The following CNGB3 variants were observed in gnomAD, a reference collection of about 807,000 sequenced individuals.
The protein encoded by CNGB3 is cyclic nucleotide gated channel subunit beta 3, also known as cyclic nucleotide-gated channel beta-3.
A neutral mutation model predicts 92.8 loss-of-function variants in CNGB3; 86 were observed. The ratio of observed to expected loss-of-function variants is 0.93; its 90% CI spans 0.78 to 1.11. The LOEUF is 1.11. Ranked by LOEUF, CNGB3 falls within the 50% of genes least tolerant of loss-of-function variation. CNGB3 has a pLI of 0.00. For missense variants in CNGB3, 1,026 were observed against 956.8 expected, an observed-to-expected ratio of 1.07 and a Z score of -0.95; for synonymous variants, 333 against 332.7, an observed-to-expected ratio of 1.00 and a Z score of -0.01.
chr8:86,722,872 G>A (rs1480247952), intron 3 of CNGB3, among the ~76,000 whole-genome samples: 2 of 152,114 alleles, frequency 1.3e-5, no homozygotes, highest in South Asian at 2.1e-4. Flanking sequence ...GCTTTCAGAC[G>A]TGTACTGGAA....
chr8:86,659,269 G>C lies in CNGB3; in HGVS notation c.853-5207C>G. The C allele has an allele frequency of 4.9e-6, 4 of 809,132 alleles. No homozygotes were observed. In the Admixed American group the frequency reaches 7.0e-5, roughly 14 times the overall value. 50.1% of individuals were successfully genotyped at this position (809,132 alleles called of 1,614,324 possible). ...TATTGGTCTTTCTCCATCTGTAGCT[G>C]TTTCAGCAACTCCATAACCTGCCCC... On this transcript the variant is annotated intron_variant, in intron 6 of 17. Transcript: ENST00000320005.
At position 86,737,338 on chromosome 8, in the gene CNGB3, C is replaced by T. The variant is rs995439545; in HGVS notation, c.211+2317G>A. On this transcript the variant is annotated intron_variant, in intron 2 of 17. Coordinates refer to ENST00000320005, the MANE Select transcript of CNGB3 (RefSeq NM_019098.5). Reference sequence around the variant, plus strand: ...AAATCAACATCTTTATAATATTATCCTCCCAAGTGGACACATATTTCCCTC... The same window carrying T: ...AAATCAACATCTTTATAATATTATCTTCCCAAGTGGACACATATTTCCCTC... Among the ~76,000 whole-genome samples the T allele has an allele frequency of 1.3e-5, 2 of 152,044 alleles. 1 individual carries two copies. The highest frequency in any genetic ancestry group is 4.1e-4 in the South Asian group (2 of 4,826).
At chr8:86,594,520 G>T in intron 15 of CNGB3, 1 of 325,084 alleles carries the variant, frequency 3.1e-6, no homozygotes. Flanking sequence ...CCTTGTCTTT[G>T]GCAGCCTCTT....
At chr8:86,657,402 C>G in intron 6 of CNGB3, 1 of 482,134 alleles carries the variant, frequency 2.1e-6, no homozygotes, top group East Asian at 5.7e-5. Flanking sequence ...TGATCTTCAC[C>G]TCATTTCTTG....
chr8:86,740,120 G>A (rs2131684343), intron 1 of CNGB3, among the ~76,000 whole-genome samples: 1 of 152,264 alleles, frequency 6.6e-6, no homozygotes, highest in Admixed American at 6.5e-5. Flanking sequence ...GATTTCATGT[G>A]CTTCTGCCTC....
chr8:86,731,761 C>A (rs1187980229), intron 2 of CNGB3, among the ~76,000 whole-genome samples: 1 of 151,974 alleles, frequency 6.6e-6, no homozygotes, highest in Non-Finnish European at 1.5e-5. Context: ...CTGGGGATTT[C>A]TGTGAGGATT....
intron 15 of CNGB3, among the ~76,000 whole-genome samples, chr8:86,585,778 A>G (rs138460476): frequency 1.3e-5 from 2 of 152,256 alleles, no homozygotes; most frequent in East Asian, 1.9e-4. Flanking sequence ...CTTGCGATAG[A>G]CACAACAATA....
At chr8:86,647,756 T>C (rs201689102) in intron 8 of CNGB3, 45 bp downstream of exon 8, 7 of 993,994 alleles carry the variant, frequency 7.0e-6, no homozygotes, top group Admixed American at 5.1e-5. Flanking sequence ...GAAATAGAAA[T>C]ATTTCCATTA....
At chr8:86,676,187 C>G (rs1313704806) in intron 3 of CNGB3, among the ~76,000 whole-genome samples, 1 of 152,178 alleles carries the variant, frequency 6.6e-6, no homozygotes, top group African/African-American at 2.4e-5. Flanking sequence ...AACATATTCT[C>G]TAGTTTAAGA....
chr8:86,646,886 T>C (rs1823299624), intron 8 of CNGB3, among the ~76,000 whole-genome samples: 3 of 151,172 alleles, frequency 2.0e-5, no homozygotes, highest in Admixed American at 2.0e-4. Flanking sequence ...AGGTAATACA[T>C]TCACATAGTT....
At chr8:86,631,548 C>T (rs368480638) in intron 11 of CNGB3, among the ~76,000 whole-genome samples, 33 of 152,000 alleles carry the variant, frequency 2.2e-4, no homozygotes, top group African/African-American at 7.0e-4. Flanking sequence ...GACAACTTCA[C>T]GTTGATTTTA....
chr8:86,655,232 TC>T (rs1451882085), intron 6 of CNGB3, among the ~76,000 whole-genome samples: 2 of 152,214 alleles, frequency 1.3e-5, no homozygotes, highest in Non-Finnish European at 2.9e-5. Context: ...TTAGTCTTGT[TC>T]CCCTTGATCC....
At chr8:86,690,497 A>G (rs1824290027) in intron 3 of CNGB3, among the ~76,000 whole-genome samples, 1 of 152,098 alleles carries the variant, frequency 6.6e-6, no homozygotes, top group Admixed American at 6.5e-5. Context: ...ATTTTCTCCC[A>G]TTCTGTAGGT....
intron 15 of CNGB3, among the ~76,000 whole-genome samples, chr8:86,598,865 A>T (rs975559607): frequency 1.3e-5 from 2 of 152,178 alleles, no homozygotes; most frequent in African/African-American, 4.8e-5. Context: ...ACATCTGCAA[A>T]GACCCTGACC....
At chr8:86,637,711 G>A (rs1823099935) in intron 10 of CNGB3, among the ~76,000 whole-genome samples, 1 of 152,002 alleles carries the variant, frequency 6.6e-6, no homozygotes, top group African/African-American at 2.4e-5. Flanking sequence ...TCTTTTTGAT[G>A]CTTAATTTCC....
At chr8:86,666,810 C>T in intron 6 of CNGB3, 115 bp downstream of exon 6, 2 of 837,282 alleles carry the variant, frequency 2.4e-6, no homozygotes, top group East Asian at 2.6e-5. Context: ...TGACTTCTTG[C>T]AATTATCCAT....
intron 3 of CNGB3, 108 bp downstream of exon 3, chr8:86,726,422 AT>A (rs564952423): frequency 6.7e-7 from 1 of 1,483,348 alleles, no homozygotes; most frequent in African/African-American, 1.4e-5. Context: ...TGACTATTGA[AT>A]TTTTTCTGCC....
intron 15 of CNGB3, among the ~76,000 whole-genome samples, chr8:86,601,657 G>A (rs943717637): frequency 4.1e-4 from 63 of 152,158 alleles, no homozygotes; most frequent in African/African-American, 1.3e-3. Flanking sequence ...TGGATGTTTG[G>A]CAGGCATACC....
At chr8:86,684,775 T>C (rs1441239) in intron 3 of CNGB3, among the ~76,000 whole-genome samples, 1,940 of 152,154 alleles carry the variant, frequency 0.013, 44 homozygotes, top group African/African-American at 0.044. Context: ...TCAATTTATA[T>C]GACATTTTTG....
Sources: allele counts gnomAD v4.1 joint callset (sites outside exome capture counted in the v4.1 genomes callset), GRCh38; gene constraint gnomAD v4.1.1; transcripts MANE v1.5; gene names NCBI Gene and HGNC (gene_info 2026-07-23, HGNC 2026-07-21).